Variants in TXLNB observed in about 807,000 individuals in gnomAD.
The protein encoded by TXLNB is beta-taxilin.
A neutral mutation model predicts 57.4 loss-of-function variants in TXLNB; 37 were observed. The observed-to-expected ratio is 0.64, with a 90% CI of 0.50 to 0.85. The LOEUF is 0.85. TXLNB is among the 40% of genes least tolerant of loss of function. The pLI is 0.00. For missense variants in TXLNB, 848 were observed against 825.6 expected, an observed-to-expected ratio of 1.03 and a Z score of -0.33; for synonymous variants, 302 against 309.6, an observed-to-expected ratio of 0.98 and a Z score of 0.26.
At chr6:139,177,810 A>G in the TXLNB span, 1 of 152,258 alleles carries the variant, frequency 6.6e-6, no homozygotes, top group Non-Finnish European at 1.5e-5. This position sits in a 1 kb window ranked among gnomAD's most constrained non-coding sequence, Gnocchi z 4.9. Flanking sequence ...AGAAGGCAGA[A>G]CTCAATCATT....
the TXLNB span, among the ~76,000 whole-genome samples, chr6:139,308,443 T>C: frequency 6.6e-6 from 1 of 152,246 alleles, no homozygotes; most frequent in South Asian, 2.1e-4. Flanking sequence ...TTGTAAATAC[T>C]GCACACATCA....
chr6:139,186,610 C>T, the TXLNB span, among the ~76,000 whole-genome samples: 5 of 152,248 alleles, frequency 3.3e-5, no homozygotes, highest in African/African-American at 1.2e-4. Context: ...CCATCCATTC[C>T]ACTCCTGTGC....
chr6:139,312,180 G>A, the TXLNB span, among the ~76,000 whole-genome samples: 2 of 152,178 alleles, frequency 1.3e-5, no homozygotes, highest in Admixed American at 1.3e-4. Flanking sequence ...ATGCCATCAT[G>A]ATGCAAGATG....
intron 7 of TXLNB, among the ~76,000 whole-genome samples, chr6:139,249,205 G>C (rs929962844): frequency 3.9e-5 from 6 of 152,226 alleles, no homozygotes; most frequent in Non-Finnish European, 7.3e-5. Context: ...GGGAAGGAGA[G>C]TGTGTAAATA....
chr6:139,294,996 A>T (rs1740095595), upstream of TXLNB, among the ~76,000 whole-genome samples: 1 of 152,188 alleles, frequency 6.6e-6, no homozygotes, highest in South Asian at 2.1e-4. Context: ...CTCAAAAAAA[A>T]AAAAATTCCA....
chr6:139,161,355 AAAC>A, the TXLNB span, among the ~76,000 whole-genome samples: 1 of 152,072 alleles, frequency 6.6e-6, no homozygotes, highest in Middle Eastern at 3.2e-3. Flanking sequence ...GGCTGACTAT[AAAC>A]AAGCAGGGCT....
chr6:139,242,697 T>C lies in TXLNB; in HGVS notation c.1884A>G (p.Ala628=), dbSNP rs779128036. Residue 628 remains alanine (A), a synonymous_variant, in exon 10 of 10, where the codon GCA becomes GCG. Transcript: ENST00000358430. ...CTGCGCATGCTGGAGCAGGCACATC[T>C]GCCTCCATCTTCTGTAGGGAGGCCT... ...PTEASLQKME[A]DVPAPACAAE... is the part of the protein sequence containing the mutation. 7 of 1,611,092 alleles carry C rather than the reference T, an allele frequency of 4.3e-6. No homozygotes were observed. In the African/African-American group the frequency reaches 9.4e-5, roughly 22 times the overall value.
chr6:139,296,812 C>T (rs1777397347), upstream of TXLNB, among the ~76,000 whole-genome samples: 2 of 152,090 alleles, frequency 1.3e-5, no homozygotes, highest in Admixed American at 6.5e-5. Context: ...ACTTGGAAGA[C>T]AGGGGCGGGC....
chr6:139,309,304 GTAGGCTAGC>G, the TXLNB span, among the ~76,000 whole-genome samples: 1 of 152,162 alleles, frequency 6.6e-6, no homozygotes, highest in African/African-American at 2.4e-5. Context: ...CTTAGATTCA[GTAGGCTAGC>G]TATGAATTCT....
the TXLNB span, among the ~76,000 whole-genome samples, chr6:139,172,128 G>A: frequency 6.6e-6 from 1 of 152,196 alleles, no homozygotes; most frequent in East Asian, 1.9e-4. Flanking sequence ...ACTGCGCCCA[G>A]CCCTAAACTT....
At chr6:139,323,575 G>A in the TXLNB span, among the ~76,000 whole-genome samples, 21 of 152,238 alleles carry the variant, frequency 1.4e-4, no homozygotes, top group South Asian at 1.0e-3. Flanking sequence ...GAGCCACCGC[G>A]CCCAGGCTTG....
chr6:139,243,149 G>T lies in TXLNB; in HGVS notation c.1432C>A (p.Pro478Thr). The T allele has an allele frequency of 6.2e-7, 1 of 1,614,134 alleles. No homozygotes were observed. Among genetic ancestry groups the T allele is most frequent in the Non-Finnish European group, 8.5e-7 (1 of 1,180,016 alleles). The change falls in exon 10 of 10, where the codon CCA (proline) becomes ACA (threonine). Residue 478 changes from proline (P) to threonine (T), a missense_variant. Physicochemically the swap from Pro to Thr is conservative, Grantham distance 38 (BLOSUM62 -1). Transcript: ENST00000358430. ...DQSQHNSDEEPESNVSVDQEI... is the reference protein window; with the variant it reads ...DQSQHNSDEETESNVSVDQEI... ...TGATCCACAGAGACGTTTGACTCTGGCTCTTCATCGGAGTTGTGCTGACTT... is the reference window on the plus strand; with the variant it reads ...TGATCCACAGAGACGTTTGACTCTGTCTCTTCATCGGAGTTGTGCTGACTT...
chr6:139,224,728 T>C, the TXLNB span, among the ~76,000 whole-genome samples: 1 of 151,770 alleles, frequency 6.6e-6, no homozygotes, highest in Admixed American at 6.6e-5. Context: ...AAATCCACAA[T>C]TTAAATCCTT....
chr6:139,310,814 C>G, the TXLNB span, among the ~76,000 whole-genome samples: 1 of 152,212 alleles, frequency 6.6e-6, no homozygotes, highest in African/African-American at 2.4e-5. Flanking sequence ...CCTGCCTCAG[C>G]CTTCTGAGTA....
downstream of TXLNB, chr6:139,239,502 T>C (rs1448629467): frequency 6.6e-6 from 1 of 152,618 alleles, no homozygotes; most frequent in Non-Finnish European, 1.5e-5. This position sits in a 1 kb window ranked among gnomAD's most constrained non-coding sequence, Gnocchi z 4.7. Flanking sequence ...TGACATTTTT[T>C]CTTTTTTTGA....
chr6:139,238,256 T>G (rs910559326), downstream of TXLNB, among the ~76,000 whole-genome samples: 1 of 152,076 alleles, frequency 6.6e-6, no homozygotes, highest in African/African-American at 2.4e-5. Flanking sequence ...TAGCCGGGCA[T>G]GGTGGCAGGT....
At chr6:139,166,805 C>T in the TXLNB span, 2 of 1,613,778 alleles carry the variant, frequency 1.2e-6, no homozygotes, top group Non-Finnish European at 1.7e-6. Flanking sequence ...TGCCCGTTCC[C>T]CCGGTGGCTC....
chr6:139,264,436 C>G (rs1042923878), intron 4 of TXLNB, among the ~76,000 whole-genome samples: 11 of 151,744 alleles, frequency 7.2e-5, no homozygotes, highest in African/African-American at 2.7e-4. Context: ...TGGGAACTGG[C>G]TATAGAAAGA....
intron 4 of TXLNB, among the ~76,000 whole-genome samples, chr6:139,268,086 G>T (rs1161185706): frequency 1.4e-5 from 2 of 147,900 alleles, no homozygotes; most frequent in African/African-American, 2.5e-5. Flanking sequence ...GGAGGCGGAG[G>T]TTGCAGTGAG....
Sources: allele counts gnomAD v4.1 joint callset (sites outside exome capture counted in the v4.1 genomes callset), GRCh38; gene constraint gnomAD v4.1.1; non-coding constraint Gnocchi (gnomAD v3.1); transcripts MANE v1.5; gene names NCBI Gene and HGNC (gene_info 2026-07-23, HGNC 2026-07-21).